ATP8A2: variants seen among roughly 807,000 people sequenced by gnomAD.
The protein encoded by ATP8A2 is phospholipid-transporting ATPase IB.
In ATP8A2, 100 loss-of-function variants were observed where a neutral mutation model predicts 165.6. The observed-to-expected ratio is 0.60, with a 90% CI of 0.51 to 0.71. The LOEUF is 0.71. Ranked by LOEUF, ATP8A2 falls within the 30% of genes least tolerant of loss-of-function variation. ATP8A2 has a pLI of 0.00. For synonymous variants in ATP8A2, 543 were observed against 548.8 expected (o/e 0.99, Z 0.15); for missense variants, 1,227 against 1,479.5 (o/e 0.83, Z 2.80).
intron 33 of ATP8A2, among the ~76,000 whole-genome samples, chr13:25,904,523 C>T (rs1211612163): frequency 6.6e-6 from 1 of 152,214 alleles, no homozygotes; most frequent in Non-Finnish European, 1.5e-5. Context: ...CTGCCGGAAG[C>T]GCTGTTGTCT....
Position 25,480,400 on chromosome 13 carries a change from G to A in ATP8A2, c.221+11279G>A, listed in dbSNP as rs542339549. Among the ~76,000 whole-genome samples the A allele has an allele frequency of 4.6e-5, 7 of 151,786 alleles. No homozygotes were observed. The East Asian group carries it at 7.9e-4, about 17-fold the overall frequency. On this transcript the variant is annotated intron_variant, in intron 2 of 36. Coordinates refer to ENST00000381655, the MANE Select transcript of ATP8A2 (RefSeq NM_016529.6). ...CGGAGGGGCTCCTCACTTCTCAGAC[G>A]GGGCGGTTGCCAGGCGGAGAGTCTC... is the stretch of plus-strand genomic sequence containing the variant.
At chr13:25,945,565 TA>T (rs1449601249) in intron 33 of ATP8A2, among the ~76,000 whole-genome samples, 1 of 152,130 alleles carries the variant, frequency 6.6e-6, no homozygotes, top group Admixed American at 6.5e-5. Flanking sequence ...ATTTTTCTAT[TA>T]AAAAATAACA....
chr13:25,929,612 G>A (rs1246456807), intron 33 of ATP8A2, among the ~76,000 whole-genome samples: 1 of 152,138 alleles, frequency 6.6e-6, no homozygotes, highest in South Asian at 2.1e-4. Context: ...TAATCCCAGT[G>A]CTTTGGGAGG....
intron 25 of ATP8A2, among the ~76,000 whole-genome samples, chr13:25,748,513 G>A (rs1196512839): frequency 6.6e-6 from 1 of 152,046 alleles, no homozygotes; most frequent in Non-Finnish European, 1.5e-5. Flanking sequence ...TTTTTCATTC[G>A]ACCCCATCCA....
chr13:26,025,598 GGT>G lies in ATP8A2; in HGVS notation c.*5619_*5620del, dbSNP rs1479769108. The G allele has an allele frequency of 6.6e-6, 1 of 152,218 alleles. No homozygotes were observed. The highest frequency in any genetic ancestry group is 1.5e-5 in the Non-Finnish European group (1 of 68,060). The allele number at this position is 152,218 out of a possible 1,614,324, so 9.4% of individuals were successfully genotyped here. On this transcript the variant is annotated 3_prime_UTR_variant, in exon 37 of 37. Coordinates refer to ENST00000381655, the MANE Select transcript of ATP8A2 (RefSeq NM_016529.6). ...CCAGCAGCGTGGGGGGTGCTTCTAT[GGT>G]GTGTGGGGTTTTTTGTTGCCTCCCT...
At position 25,787,336 on chromosome 13, in the gene ATP8A2, A is replaced by G. The variant is rs544406494; in HGVS notation, c.2679+12377A>G. Among the ~76,000 whole-genome samples the G allele has an allele frequency of 2.8e-3, 422 of 152,186 alleles. 1 individual carries two copies. Among genetic ancestry groups the G allele is most frequent in the Non-Finnish European group, 5.2e-3 (353 of 68,018 alleles). On this transcript the variant is annotated intron_variant, in intron 27 of 36. Coordinates refer to ENST00000381655, the MANE Select transcript of ATP8A2 (RefSeq NM_016529.6). ...ACAGTATTATGACCCTCTGATTCCA[A>G]TTTCTTCTACTCAATATAATGCATC... is the stretch of plus-strand genomic sequence containing the variant.
At chr13:25,493,561 G>C (rs1025352127) in intron 2 of ATP8A2, among the ~76,000 whole-genome samples, 1 of 152,204 alleles carries the variant, frequency 6.6e-6, no homozygotes, top group Non-Finnish European at 1.5e-5. Flanking sequence ...CGGAAGTGAA[G>C]ACATCAGTTG....
chr13:25,534,607 G>A (rs1004598997), intron 6 of ATP8A2, among the ~76,000 whole-genome samples: 4 of 152,162 alleles, frequency 2.6e-5, no homozygotes, highest in African/African-American at 4.8e-5. Context: ...TGTTTCCATC[G>A]TTCATTTGGG....
intron 2 of ATP8A2, among the ~76,000 whole-genome samples, chr13:25,524,714 A>T (rs747931742): frequency 6.6e-6 from 1 of 151,908 alleles, no homozygotes; most frequent in Non-Finnish European, 1.5e-5. Flanking sequence ...GTGTGTCTTT[A>T]TAGGTGATAT....
chr13:25,772,297 T>C (rs117055992), intron 26 of ATP8A2, among the ~76,000 whole-genome samples: 1 of 152,156 alleles, frequency 6.6e-6, no homozygotes, highest in Non-Finnish European at 1.5e-5. Context: ...TTTTTTTTCC[T>C]GAAAACAAAT....
At chr13:25,864,908 T>C in intron 33 of ATP8A2, among the ~76,000 whole-genome samples, 1 of 152,218 alleles carries the variant, frequency 6.6e-6, no homozygotes, top group Non-Finnish European at 1.5e-5. Context: ...GTAACTTTAG[T>C]GTCACAGCCA....
chr13:25,669,014 A>ACCCCCC (rs2042211285), intron 24 of ATP8A2, among the ~76,000 whole-genome samples: 1 of 152,156 alleles, frequency 6.6e-6, no homozygotes, highest in Non-Finnish European at 1.5e-5. Context: ...GTTGTTGTCT[A>ACCCCCC]GTAAGCCCAG....
At chr13:25,912,175 CACACACACACACACACACACAG>C (rs1287018026) in intron 33 of ATP8A2, among the ~76,000 whole-genome samples, 2 of 146,760 alleles carry the variant, frequency 1.4e-5, no homozygotes, top group African/African-American at 5.4e-5. Flanking sequence ...CACACACACA[CACACACACACACACACACACAG>C]TGGAATAGTC....
rs955144599 is a variant in ATP8A2 at position 25,578,721 on chromosome 13, C to T, written c.1783-94C>T. On this transcript the variant is annotated intron_variant, in intron 20 of 36. Transcript: ENST00000381655. ...ACTTACCCACTCGGGTATTCTCATGCATGTTAGATAAACAGAAACAAAGCC... is the reference window on the plus strand; with the variant it reads ...ACTTACCCACTCGGGTATTCTCATGTATGTTAGATAAACAGAAACAAAGCC... 27 of 778,506 alleles carry T rather than the reference C, an allele frequency of 3.5e-5. No individual in the cohort carries two copies. In the African/African-American group the frequency reaches 3.9e-4, roughly 11 times the overall value. The allele number at this position is 778,506 out of a possible 1,614,324, so 48.2% of individuals were successfully genotyped here. A position where few individuals can be genotyped will look rare whatever the true frequency, so the allele number is the denominator to read the frequency against.
At chr13:25,802,970 T>TA (rs1950652976) in intron 27 of ATP8A2, among the ~76,000 whole-genome samples, 1 of 151,912 alleles carries the variant, frequency 6.6e-6, no homozygotes, top group Admixed American at 6.6e-5. Context: ...TTTTTTTTTT[T>TA]AAGCTAATTA....
At chr13:25,854,561 C>T (rs953857634) in intron 30 of ATP8A2, among the ~76,000 whole-genome samples, 1 of 152,200 alleles carries the variant, frequency 6.6e-6, no homozygotes, top group Non-Finnish European at 1.5e-5. Flanking sequence ...AAGCAGTCCT[C>T]CTGCCTCAGC....
chr13:25,658,385 C>A (rs1566021539), intron 24 of ATP8A2, among the ~76,000 whole-genome samples: 1 of 152,148 alleles, frequency 6.6e-6, no homozygotes, highest in African/African-American at 2.4e-5. Flanking sequence ...CACCGGTAAT[C>A]CCAGCACTTT....
intron 24 of ATP8A2, among the ~76,000 whole-genome samples, chr13:25,633,116 A>G (rs969336491): frequency 4.6e-5 from 7 of 152,238 alleles, no homozygotes; most frequent in South Asian, 4.1e-4. Flanking sequence ...CTGTTAGCAC[A>G]GAAAGATGCA....
intron 33 of ATP8A2, among the ~76,000 whole-genome samples, chr13:25,930,992 T>G (rs1954756877): frequency 6.6e-6 from 1 of 152,206 alleles, no homozygotes; most frequent in Non-Finnish European, 1.5e-5. Context: ...ACAAGACCAG[T>G]TCATGACACA....
Sources: gnomAD v4.1 joint callset for allele counts (sites outside exome capture counted in the v4.1 genomes callset) on GRCh38, gnomAD v4.1.1 for gene constraint, MANE v1.5 for transcripts, NCBI Gene and HGNC (gene_info 2026-07-23, HGNC 2026-07-21) for gene names.